SCAMP1: variants seen among roughly 807,000 people sequenced by gnomAD.
The protein encoded by SCAMP1 is secretory carrier membrane protein 1, also known as secretory carrier-associated membrane protein 1.
A neutral mutation model predicts 41.8 loss-of-function variants in SCAMP1; 15 were observed. The observed-to-expected ratio is 0.36, with a 90% CI of 0.24 to 0.55. The LOEUF is 0.55. Among genes scored for constraint, SCAMP1 ranks in the 20% least tolerant of loss-of-function variants. SCAMP1 has a pLI of 0.86. For missense variants in SCAMP1, 341 were observed against 412.6 expected, an observed-to-expected ratio of 0.83 and a Z score of 1.50; for synonymous variants, 135 against 136.8, an observed-to-expected ratio of 0.99 and a Z score of 0.09.
intron 2 of SCAMP1, among the ~76,000 whole-genome samples, chr5:78,390,012 T>A (rs981560013): frequency 6.6e-6 from 1 of 152,192 alleles, no homozygotes; most frequent in Non-Finnish European, 1.5e-5. Flanking sequence ...CCCCAGTTTA[T>A]AGAAAGTTAG....
rs188775234 is a variant in SCAMP1 at position 78,443,102 on chromosome 5, A to G, written c.633-6831A>G. Among the ~76,000 whole-genome samples the G allele has an allele frequency of 6.1e-3, 902 of 148,604 alleles. 6 individuals are homozygous for G. Among genetic ancestry groups the G allele is most frequent in the African/African-American group, 7.7e-3 (314 of 40,772 alleles). On this transcript the variant is annotated intron_variant, in intron 6 of 8. Coordinates refer to ENST00000621999, the MANE Select transcript of SCAMP1 (RefSeq NM_004866.6). ...GTGGTGGGTGCCTGTAGTCCCAGCT[A>G]TGCGTGAGGCTGAGGCAGGAGAATG... is the stretch of plus-strand genomic sequence containing the variant.
chr5:78,447,239 T>C (rs1432101385), intron 6 of SCAMP1, among the ~76,000 whole-genome samples: 1 of 152,250 alleles, frequency 6.6e-6, no homozygotes, highest in Non-Finnish European at 1.5e-5. Context: ...CTTTAATGTA[T>C]TCATGTTAAC....
chr5:78,467,387 T>C (rs1753774398), intron 8 of SCAMP1, among the ~76,000 whole-genome samples: 1 of 152,194 alleles, frequency 6.6e-6, no homozygotes, highest in Admixed American at 6.5e-5. Flanking sequence ...TATAATGAAC[T>C]ACTCTGTGCA....
At chr5:78,369,947 G>A (rs1221563107) in intron 1 of SCAMP1, among the ~76,000 whole-genome samples, 1 of 152,164 alleles carries the variant, frequency 6.6e-6, no homozygotes, top group Non-Finnish European at 1.5e-5. Context: ...CCAAAGCAGT[G>A]GAATAGCAGT....
rs530350549 is a variant in SCAMP1 at position 78,385,423 on chromosome 5, ATTTG to A, written c.58-3406_58-3403del. 2.2e-4 allele frequency among the ~76,000 whole-genome samples: 33 copies of A among 150,662 alleles called. No homozygotes were observed. The South Asian group carries it at 4.2e-3, about 19-fold the overall frequency. On this transcript the variant is annotated intron_variant, in intron 1 of 8. Transcript: ENST00000621999. ...GCTTTTTGATTCTTTTATCTTTTGTATTTGTTTGTTTCTATTTCATTTAGTTCTG... is the reference window on the plus strand; with the variant it reads ...GCTTTTTGATTCTTTTATCTTTTGTATTTGTTTCTATTTCATTTAGTTCTG...
chr5:78,393,450 G>A (rs1751569017), intron 2 of SCAMP1, among the ~76,000 whole-genome samples: 1 of 152,194 alleles, frequency 6.6e-6, no homozygotes, highest in Admixed American at 6.5e-5. Flanking sequence ...GGGATTTTAG[G>A]TGTGAGCTAC....
At chr5:78,428,864 T>G (rs1245906239) in intron 6 of SCAMP1, among the ~76,000 whole-genome samples, 2 of 152,152 alleles carry the variant, frequency 1.3e-5, no homozygotes, top group African/African-American at 4.8e-5. Context: ...TTTATCCTTT[T>G]TATGTTATTT....
At chr5:78,384,383 G>C (rs557888190) in intron 1 of SCAMP1, among the ~76,000 whole-genome samples, 1 of 152,124 alleles carries the variant, frequency 6.6e-6, no homozygotes, top group East Asian at 1.9e-4. Flanking sequence ...CTAGGTATAT[G>C]ATCATGTCAT....
chr5:78,442,059 G>A (rs1037892650), intron 6 of SCAMP1, among the ~76,000 whole-genome samples: 4 of 152,150 alleles, frequency 2.6e-5, no homozygotes, highest in Admixed American at 6.5e-5. Context: ...AGCCCAAGAG[G>A]TTGAGGCTGC....
In SCAMP1 at chr5:78,391,979, C is replaced by T. The variant is rs193290229; in HGVS notation, c.135+3065C>T. Reference sequence around the variant, plus strand: ...GCAGTACAGTCCAGCTTCGGCTTGGCATCAGAGGGAGACCGTGGAAAGAGA... The same window carrying T: ...GCAGTACAGTCCAGCTTCGGCTTGGTATCAGAGGGAGACCGTGGAAAGAGA... On this transcript the variant is annotated intron_variant, in intron 2 of 8. Transcript: ENST00000621999. Among the ~76,000 whole-genome samples the T allele has an allele frequency of 2.0e-5, 3 of 150,354 alleles. 1 individual carries two copies. The East Asian group carries it at 5.9e-4, about 30-fold the overall frequency.
chr5:78,382,838 C>T (rs183690994), intron 1 of SCAMP1, among the ~76,000 whole-genome samples: 2 of 144,666 alleles, frequency 1.4e-5, no homozygotes, highest in African/African-American at 5.3e-5. Context: ...TTTCTGTATC[C>T]ACTCGTTGAT....
chr5:78,472,325 G>A (rs1753899272), intron 8 of SCAMP1, among the ~76,000 whole-genome samples: 1 of 151,974 alleles, frequency 6.6e-6, no homozygotes, highest in South Asian at 2.1e-4. Flanking sequence ...TGCCATGGTG[G>A]TTTGCTGCAC....
chr5:78,397,411 T>G (rs1238075998), intron 2 of SCAMP1, among the ~76,000 whole-genome samples: 1 of 152,134 alleles, frequency 6.6e-6, no homozygotes, highest in Non-Finnish European at 1.5e-5. Flanking sequence ...TTCATGACCT[T>G]TAGTTAGGCC....
intron 2 of SCAMP1, among the ~76,000 whole-genome samples, chr5:78,391,161 T>G (rs1327530184): frequency 6.6e-6 from 1 of 152,174 alleles, no homozygotes; most frequent in Non-Finnish European, 1.5e-5. Flanking sequence ...CTCAATGAGC[T>G]GTTGGGTACA....
chr5:78,406,390 G>T (rs1033883610), intron 2 of SCAMP1, among the ~76,000 whole-genome samples: 1 of 152,164 alleles, frequency 6.6e-6, no homozygotes, highest in Non-Finnish European at 1.5e-5. Context: ...AGAGATGGAA[G>T]AGAAAGAGCT....
chr5:78,377,823 C>T (rs1561251792), intron 1 of SCAMP1, among the ~76,000 whole-genome samples: 1 of 152,128 alleles, frequency 6.6e-6, no homozygotes, highest in African/African-American at 2.4e-5. Context: ...ATATTAAGCA[C>T]TTTACATGTA....
intron 6 of SCAMP1, among the ~76,000 whole-genome samples, chr5:78,426,661 A>G (rs1028087337): frequency 2.6e-5 from 4 of 152,192 alleles, no homozygotes; most frequent in African/African-American, 7.2e-5. Context: ...CATTACCACA[A>G]TCAGTTTTAG....
intron 8 of SCAMP1, among the ~76,000 whole-genome samples, chr5:78,460,388 C>A (rs1002530692): frequency 1.3e-5 from 2 of 152,144 alleles, no homozygotes; most frequent in Non-Finnish European, 2.9e-5. Context: ...TATAAGCATT[C>A]CATTTTCTCT....
At chr5:78,464,933 C>A (rs1241775162) in intron 8 of SCAMP1, among the ~76,000 whole-genome samples, 1 of 152,218 alleles carries the variant, frequency 6.6e-6, no homozygotes, top group Non-Finnish European at 1.5e-5. Context: ...TCAGACTGTA[C>A]TGCTCGGTTT....
Sources: allele counts gnomAD v4.1 joint callset (sites outside exome capture counted in the v4.1 genomes callset), GRCh38; gene constraint gnomAD v4.1.1; transcripts MANE v1.5; gene names NCBI Gene and HGNC (gene_info 2026-07-23, HGNC 2026-07-21).